LINGO2: variants seen among roughly 807,000 people sequenced by gnomAD.
LINGO2 encodes the protein leucine rich repeat and Ig domain containing 2.
A neutral mutation model predicts 30.6 loss-of-function variants in LINGO2; 14 were observed. The ratio of observed to expected loss-of-function variants is 0.46; its 90% confidence interval spans 0.30 to 0.72. The LOEUF (loss-of-function observed/expected upper bound fraction) is 0.72. Ranked by LOEUF, LINGO2 falls within the 30% of genes least tolerant of loss-of-function variation. LINGO2 has a pLI of 0.07. For missense variants in LINGO2, 729 were observed against 751.7 expected (o/e 0.97, Z 0.35); for synonymous variants, 317 against 288.5 (o/e 1.10, Z -1.00).
chr9:28,901,939 C>T, the LINGO2 span, among the ~76,000 whole-genome samples: 2 of 151,904 alleles, frequency 1.3e-5, no homozygotes, highest in Non-Finnish European at 2.9e-5. Context: ...ACCTATAATC[C>T]AGTATTTTGG....
chr9:28,962,656 C>G, the LINGO2 span, among the ~76,000 whole-genome samples: 1 of 151,562 alleles, frequency 6.6e-6, no homozygotes, highest in Non-Finnish European at 1.5e-5. Flanking sequence ...TAGTAAGTAC[C>G]CATATACCAA....
intron 2 of LINGO2, among the ~76,000 whole-genome samples, chr9:28,435,987 C>A (rs1049945053): frequency 3.9e-5 from 6 of 152,122 alleles, no homozygotes; most frequent in Admixed American, 3.9e-4. Flanking sequence ...TTCAGTGTTT[C>A]TATTTGTGTC....
rs982317452 is a variant in LINGO2 at position 28,465,393 on chromosome 9, C to T, written c.-279+10547G>A. On this transcript the variant is annotated intron_variant, in intron 2 of 5. Transcript: ENST00000379992. ...GTCCAGCTGCTTCTTCTCCTCTCAA[C>T]GTTCAGATGCTTCTTTCTTTTGTGT... 7.2e-5 allele frequency among the ~76,000 whole-genome samples: 11 copies of T among 152,154 alleles called. 1 individual carries two copies. Among genetic ancestry groups the T allele is most frequent in the Admixed American group, 7.2e-4 (11 of 15,272 alleles).
chr9:28,989,633 A>G, the LINGO2 span, among the ~76,000 whole-genome samples: 1 of 152,194 alleles, frequency 6.6e-6, no homozygotes, highest in South Asian at 2.1e-4. Flanking sequence ...TTGTTATTAT[A>G]TAGATCATAT....
chr9:28,378,725 C>G (rs892527221), intron 2 of LINGO2, among the ~76,000 whole-genome samples: 12 of 152,124 alleles, frequency 7.9e-5, no homozygotes, highest in Non-Finnish European at 1.6e-4. Flanking sequence ...AGATTTACAT[C>G]AATTCATTCT....
At chr9:28,307,454 C>G (rs1225347667) in intron 3 of LINGO2, among the ~76,000 whole-genome samples, 3 of 152,136 alleles carry the variant, frequency 2.0e-5, no homozygotes, top group Non-Finnish European at 2.9e-5. Context: ...CTATCTATGA[C>G]AAACCCACAA....
At chr9:28,368,162 C>G (rs890820071) in intron 3 of LINGO2, among the ~76,000 whole-genome samples, 36 of 151,984 alleles carry the variant, frequency 2.4e-4, no homozygotes, top group African/African-American at 8.5e-4. Flanking sequence ...TCTATTACAC[C>G]CTGCATTGTC....
the LINGO2 span, among the ~76,000 whole-genome samples, chr9:28,887,033 A>T: frequency 6.6e-6 from 1 of 152,176 alleles, no homozygotes; most frequent in South Asian, 2.1e-4. Flanking sequence ...AATGCAGAGC[A>T]GGGTATGAAC....
chr9:28,004,361 A>T (rs1822150195), intron 5 of LINGO2, among the ~76,000 whole-genome samples: 1 of 152,116 alleles, frequency 6.6e-6, no homozygotes, highest in South Asian at 2.1e-4. Context: ...TATCCGATTC[A>T]TTTTTTTCTC....
intron 5 of LINGO2, among the ~76,000 whole-genome samples, chr9:28,012,076 T>C (rs986753335): frequency 6.6e-6 from 1 of 152,150 alleles, no homozygotes; most frequent in African/African-American, 2.4e-5. Context: ...AATCCCACCT[T>C]TATTTTCCCC....
chr9:28,437,619 T>C (rs1824007105), intron 2 of LINGO2, among the ~76,000 whole-genome samples: 1 of 151,802 alleles, frequency 6.6e-6, no homozygotes, highest in Non-Finnish European at 1.5e-5. Context: ...AGATCACTTC[T>C]ATCTCTCTGG....
the LINGO2 span, among the ~76,000 whole-genome samples, chr9:28,961,328 A>G: frequency 1.2e-4 from 19 of 152,144 alleles, no homozygotes; most frequent in Non-Finnish European, 2.5e-4. Context: ...TCAGGCCCCT[A>G]GCATAGTCTG....
chr9:28,509,615 C>T lies in LINGO2; in HGVS notation c.-364-33590G>A, dbSNP rs561557870. 3.3e-5 allele frequency among the ~76,000 whole-genome samples: 5 copies of T among 152,196 alleles called. No individual in the cohort carries two copies. The East Asian group carries it at 5.8e-4, about 18-fold the overall frequency. ...TGAGAGACAGGGCCGTTAAGGAGGT[C>T]GTAAAGGTTAAACGAGGTCATAAGG... On this transcript the variant is annotated intron_variant, in intron 1 of 5. Transcript: ENST00000379992.
At chr9:28,190,332 T>C (rs941894594) in intron 4 of LINGO2, among the ~76,000 whole-genome samples, 1 of 152,146 alleles carries the variant, frequency 6.6e-6, no homozygotes, top group Non-Finnish European at 1.5e-5. Flanking sequence ...CTCTCCAGTA[T>C]GCTAAAAAAT....
chr9:28,641,316 G>A (rs1321797394), intron 1 of LINGO2, among the ~76,000 whole-genome samples: 4 of 152,016 alleles, frequency 2.6e-5, no homozygotes, highest in Middle Eastern at 3.2e-3. Context: ...GATTACAGGC[G>A]TGAGCCACCG....
chr9:28,889,046 T>C, the LINGO2 span: 1 of 420,752 alleles, frequency 2.4e-6, no homozygotes, highest in African/African-American at 2.1e-5. Flanking sequence ...TCCCCTGGAG[T>C]ATCTTCAGCA....
intron 4 of LINGO2, among the ~76,000 whole-genome samples, chr9:28,055,043 T>A (rs1210243032): frequency 6.6e-6 from 1 of 152,006 alleles, no homozygotes; most frequent in Non-Finnish European, 1.5e-5. Flanking sequence ...AAAAAAAATA[T>A]ATATAGCCTC....
chr9:28,638,681 C>G (rs2135922168), intron 1 of LINGO2, among the ~76,000 whole-genome samples: 1 of 151,974 alleles, frequency 6.6e-6, no homozygotes, highest in East Asian at 1.9e-4. Flanking sequence ...TTTATCATTT[C>G]TTATTGCATC....
chr9:28,572,656 C>T (rs764645209), intron 1 of LINGO2, among the ~76,000 whole-genome samples: 10 of 151,580 alleles, frequency 6.6e-5, no homozygotes, highest in South Asian at 2.1e-4. Context: ...TTCCTTTCAG[C>T]GCTCTTGAAT....
Sources: gnomAD v4.1 joint callset for allele counts (sites outside exome capture counted in the v4.1 genomes callset) on GRCh38, gnomAD v4.1.1 for gene constraint, MANE v1.5 for transcripts, NCBI Gene and HGNC (gene_info 2026-07-23, HGNC 2026-07-21) for gene names.